NR4A1: variants seen among roughly 807,000 people sequenced by gnomAD.
The protein encoded by NR4A1 is nuclear receptor subfamily 4immunitygroup A member 1.
Under a neutral mutation model 47.5 loss-of-function variants are expected in NR4A1, and 24 were observed. The observed-to-expected ratio is 0.50, with a 90% confidence interval of 0.37 to 0.71. The LOEUF is 0.71. Among genes scored for constraint, NR4A1 ranks in the 30% least tolerant of loss-of-function variants. NR4A1 has a pLI of 0.00. For missense variants in NR4A1, 669 were observed against 788.6 expected, an observed-to-expected ratio of 0.85 and a Z score of 1.82; for synonymous variants, 353 against 345.7, an observed-to-expected ratio of 1.02 and a Z score of -0.24.
intron 6 of NR4A1, 136 bp from the exon 7 acceptor site, chr12:52,058,547 CCAACA>C (rs1291358823): frequency 1.2e-5 from 13 of 1,114,392 alleles, no homozygotes; most frequent in Admixed American, 8.9e-5. Context: ...TTACTAATGG[CCAACA>C]TGTGAATGCG....
At chr12:52,056,686 G>GC (rs1205209374) in intron 4 of NR4A1, 41 bp downstream of exon 4, 8 of 1,502,730 alleles carry the variant, frequency 5.3e-6, no homozygotes, top group Non-Finnish European at 7.1e-6. Context: ...AGGTCTATGA[G>GC]CACATGCAGT....
intron 1 of NR4A1, among the ~76,000 whole-genome samples, chr12:52,040,711 C>A (rs1938401111): frequency 6.6e-6 from 1 of 152,108 alleles, no homozygotes; most frequent in South Asian, 2.1e-4. Context: ...AGAGGATCTT[C>A]CCTTGGCCTG....
intron 1 of NR4A1, among the ~76,000 whole-genome samples, chr12:52,033,929 C>A (rs1286626198): frequency 6.6e-6 from 1 of 152,208 alleles, no homozygotes; most frequent in African/African-American, 2.4e-5. Flanking sequence ...CCTTGACATC[C>A]TTTTACCCCC....
rs1299486858 is a variant in NR4A1, at chr12:52,043,983, T to C, written c.37+2054T>C. 4.0e-6 allele frequency: 5 copies of C among 1,249,998 alleles called. No individual in the cohort carries two copies. The African/African-American group carries it at 6.2e-5, about 15-fold the overall frequency. The allele number at this position is 1,249,998 out of a possible 1,614,324, so 77.4% of individuals were successfully genotyped here. A position where few individuals can be genotyped will look rare whatever the true frequency, so the allele number is the denominator to read the frequency against. On this transcript the variant is annotated intron_variant, in intron 2 of 7. Transcript: ENST00000360284. ...GGATTTTTTCCCATTGTGACTGTCATGCCAAACCCTTTGGCCTTGGGCTGC... is the reference window on the plus strand; with the variant it reads ...GGATTTTTTCCCATTGTGACTGTCACGCCAAACCCTTTGGCCTTGGGCTGC...
chr12:52,034,672 A>G (rs1938199283), intron 1 of NR4A1, among the ~76,000 whole-genome samples: 1 of 152,230 alleles, frequency 6.6e-6, no homozygotes. Context: ...TAGCTGAGTG[A>G]CCTGGATCAG....
chr12:52,037,359 C>T, intron 1 of NR4A1: 1 of 985,478 alleles, frequency 1.0e-6, no homozygotes, highest in Non-Finnish European at 1.2e-6. Context: ...CATGGGCGCC[C>T]CTGCGGTGCA....
At position 52,054,833 on chromosome 12, in the gene NR4A1, G is replaced by C. The variant is rs761464506; in HGVS notation, c.505G>C (p.Gly169Arg). Residue 169 changes from glycine (G) to arginine (R), a missense_variant, in exon 2 of 7, where the codon GGC becomes CGC. Transcript: ENST00000394825. ...GHFSPSQTYE[G>R]LRAWTEQLPK... ...CTTCTCGCCCAGCCAGACTTACGAA[G>C]GCCTGCGGGCATGGACAGAGCAGCT... 4.2e-5 allele frequency: 67 copies of C among 1,613,790 alleles called. No homozygotes were observed. Among genetic ancestry groups the C allele is most frequent in the Middle Eastern group, 1.6e-4 (1 of 6,062 alleles).
chr12:52,029,741 C>T (rs529300129), intron 1 of NR4A1, among the ~76,000 whole-genome samples: 24 of 152,260 alleles, frequency 1.6e-4, no homozygotes, highest in African/African-American at 5.1e-4. Flanking sequence ...CTAAGGAATA[C>T]CTACCCCTCT....
intron 1 of NR4A1, among the ~76,000 whole-genome samples, chr12:52,028,183 C>A (rs1489730132): frequency 1.2e-5 from 1 of 83,864 alleles, no homozygotes; most frequent in Non-Finnish European, 2.1e-5. Context: ...GTCTGGGTGA[C>A]AAAGTGAGAC....
chr12:52,035,367 C>T (rs1228364878), intron 1 of NR4A1, among the ~76,000 whole-genome samples: 1 of 152,156 alleles, frequency 6.6e-6, no homozygotes, highest in South Asian at 2.1e-4. Flanking sequence ...TGGAAGCCTT[C>T]ATGGAAAAAC....
chr12:52,054,112 G>C, intron 1 of NR4A1: 1 of 563,900 alleles, frequency 1.8e-6, no homozygotes, highest in East Asian at 2.9e-5. Context: ...CACTCATGCT[G>C]GGCCGCTGCC....
intron 1 of NR4A1, among the ~76,000 whole-genome samples, chr12:52,026,676 C>T (rs1232069580): frequency 6.6e-6 from 1 of 152,192 alleles, no homozygotes; most frequent in Non-Finnish European, 1.5e-5. Flanking sequence ...CACAGCCACA[C>T]CAAAAGGGAG....
intron 2 of NR4A1, among the ~76,000 whole-genome samples, chr12:52,044,962 C>A (rs1020285046): frequency 4.6e-5 from 7 of 151,130 alleles, no homozygotes; most frequent in Non-Finnish European, 4.4e-5. Flanking sequence ...ATGTTAATTT[C>A]TTCTGGCCTG....
intron 1 of NR4A1, among the ~76,000 whole-genome samples, chr12:52,023,286 C>G (rs1328594316): frequency 6.6e-6 from 1 of 152,162 alleles, no homozygotes; most frequent in Non-Finnish European, 1.5e-5. Flanking sequence ...CGGGCACCGC[C>G]CTCCCTCTCC....
rs1035937469 is a variant in NR4A1 at position 52,037,340 on chromosome 12, G to C, written c.-83-4470G>C. 4.1e-6 allele frequency: 4 copies of C among 984,822 alleles called. No individual in the cohort carries two copies. The Admixed American group carries it at 1.9e-4, about 46-fold the overall frequency. 61.0% of individuals were successfully genotyped at this position (984,822 alleles called of 1,614,324 possible). ...CCCCTCGCGGCGCCCGGGACCCCCG[G>C]CCTCCAGGCATGGGCGCCCCTGCGG... On this transcript the variant is annotated intron_variant, in intron 1 of 7. Coordinates refer to the NR4A1 transcript ENST00000360284.
intron 6 of NR4A1, among the ~76,000 whole-genome samples, chr12:52,058,249 A>G (rs1939375480): frequency 1.3e-5 from 2 of 152,286 alleles, no homozygotes; most frequent in African/African-American, 4.8e-5. Flanking sequence ...TCTGTTTTTT[A>G]AAGGAAAGAA....
At chr12:52,044,489 G>A (rs1043002230) in intron 2 of NR4A1, among the ~76,000 whole-genome samples, 4 of 152,200 alleles carry the variant, frequency 2.6e-5, no homozygotes, top group Non-Finnish European at 5.9e-5. Context: ...ACTCTGGCCC[G>A]GCATGGAACA....
Position 52,057,087 on chromosome 12 carries a change from A to G in NR4A1, c.1189A>G (p.Lys397Glu), listed in dbSNP as rs1939313580. The G allele has an allele frequency of 6.2e-7, 1 of 1,609,958 alleles. No homozygotes were observed. Among genetic ancestry groups the G allele is most frequent in the African/African-American group, 1.3e-5 (1 of 74,942 alleles). ...FQELVLPHFG[K>E]EDAGDVQQFY... ...GGAGCTGGTGCTGCCCCACTTTGGG[A>G]AGGAAGATGCTGGGGATGTACAGCA... is the stretch of plus-strand genomic sequence containing the variant. The change falls in exon 5 of 7, where the codon AAG (lysine) becomes GAG (glutamate). Residue 397 changes from lysine (K) to glutamate (E), a missense_variant. Lys to Glu is a moderately conservative substitution (Grantham distance 56, BLOSUM62 1). Transcript: ENST00000394825.
chr12:52,046,660 C>CATCTGCATTT (rs1938654290), upstream of NR4A1, among the ~76,000 whole-genome samples: 1 of 152,138 alleles, frequency 6.6e-6, no homozygotes, highest in African/African-American at 2.4e-5. Flanking sequence ...TGAAGAAATA[C>CATCTGCATTT]GTTCCTCTCA....
Sources: gnomAD v4.1 joint callset for allele counts (sites outside exome capture counted in the v4.1 genomes callset) on GRCh38, gnomAD v4.1.1 for gene constraint, MANE v1.5 for transcripts, NCBI Gene and HGNC (gene_info 2026-07-23, HGNC 2026-07-21) for gene names.